The following KIAA1614 variants were observed in gnomAD, a reference collection of about 807,000 sequenced individuals.
KIAA1614 encodes the protein uncharacterized protein KIAA1614.
Under a neutral mutation model 88.7 loss-of-function variants are expected in KIAA1614, and 76 were observed. That is an observed-to-expected ratio of 0.86 (90% CI 0.71 to 1.04). KIAA1614 has a LOEUF of 1.04. KIAA1614 is among the 50% of genes least tolerant of loss of function. The pLI is 0.00. For missense variants in KIAA1614, 1,553 were observed against 1,582.5 expected (o/e 0.98, Z 0.32); for synonymous variants, 714 against 675.5 (o/e 1.06, Z -0.88).
Position 180,945,880 on chromosome 1 carries a change from G to C in KIAA1614, c.*292G>C. 2 of 1,024,984 alleles carry C rather than the reference G, an allele frequency of 2.0e-6. No individual in the cohort carries two copies. The highest frequency in any genetic ancestry group is 3.1e-5 in the South Asian group (1 of 31,792). The allele number at this position is 1,024,984 out of a possible 1,614,324, so 63.5% of individuals were successfully genotyped here. A position where few individuals can be genotyped will look rare whatever the true frequency, so the allele number is the denominator to read the frequency against. ...AGAACTTTGGGAGGCCGAGGCGCCT[G>C]GATCACCTGAGGTCAGGAGTTCGAG... On this transcript the variant is annotated 3_prime_UTR_variant, in exon 9 of 9. Transcript: ENST00000367588.
chr1:180,929,552 G>A (rs1227308902), intron 4 of KIAA1614, among the ~76,000 whole-genome samples: 1 of 152,196 alleles, frequency 6.6e-6, no homozygotes, highest in Non-Finnish European at 1.5e-5. Context: ...GGTAAGGTAG[G>A]AAAACAACAA....
At chr1:180,945,194 A>G (rs1654561528) in intron 8 of KIAA1614, 109 bp from the exon 9 acceptor site, 3 of 1,286,518 alleles carry the variant, frequency 2.3e-6, no homozygotes, top group Non-Finnish European at 3.1e-6. Flanking sequence ...CCCAGCCTCC[A>G]ATGCCAGGCT....
Position 180,936,196 on chromosome 1 carries a change from C to G in KIAA1614, c.2287C>G (p.Gln763Glu). 6.2e-7 allele frequency: 1 copy of G among 1,614,178 alleles called. No homozygotes were observed. ...GCCTGAATCATCGGGGCCAGGAGGC[C>G]AGGCCCAGGTTACAGAAAGCCACGA... Reference protein sequence around the residue: ...MTPESSGPGGQAQVTESHESL... With the variant: ...MTPESSGPGGEAQVTESHESL... The change falls in exon 5 of 9, where the codon CAG (glutamine) becomes GAG (glutamate). Residue 763 changes from glutamine (Q) to glutamate (E), a missense_variant. Transcript: ENST00000367588.
chr1:180,942,579 G>A (rs947406765), intron 7 of KIAA1614, among the ~76,000 whole-genome samples: 2 of 152,252 alleles, frequency 1.3e-5, no homozygotes, highest in Non-Finnish European at 2.9e-5. Context: ...TGAGTGAATG[G>A]AAGGCAGAGA....
chr1:180,923,608 T>C (rs1041156352), intron 3 of KIAA1614, among the ~76,000 whole-genome samples: 1 of 152,200 alleles, frequency 6.6e-6, no homozygotes, highest in African/African-American at 2.4e-5. Context: ...CCTGAGCTCC[T>C]GGGGCAAGAA....
Position 180,935,614 on chromosome 1 carries a change from A to C in KIAA1614, c.1705A>C (p.Met569Leu), listed in dbSNP as rs201379780. ...TLQELQAACGMERVLGGLSSP... is the reference protein window; with the variant it reads ...TLQELQAACGLERVLGGLSSP... ...CCAGGAGCTCCAGGCTGCCTGTGGGATGGAGAGGGTGCTGGGTGGCCTGAG... is the reference window on the plus strand; with the variant it reads ...CCAGGAGCTCCAGGCTGCCTGTGGGCTGGAGAGGGTGCTGGGTGGCCTGAG... Residue 569 changes from methionine (M) to leucine (L), a missense_variant, in exon 5 of 9, where the codon ATG becomes CTG. Met to Leu is a conservative substitution (Grantham distance 15). Transcript: ENST00000367588. The surrounding 1 kb of genome is among the most constrained non-coding windows in gnomAD (Gnocchi z 6.1). The C allele has an allele frequency of 3.9e-5, 63 of 1,611,314 alleles. No homozygotes were observed. In the East Asian group the frequency reaches 1.4e-3, roughly 36 times the overall value.
At chr1:180,917,450 G>T (rs1035348760) in intron 2 of KIAA1614, among the ~76,000 whole-genome samples, 25 of 131,234 alleles carry the variant, frequency 1.9e-4, no homozygotes, top group African/African-American at 6.0e-4. Context: ...TCACCCCTTA[G>T]TGAGGGCCCT....
Position 180,928,514 on chromosome 1 carries a change from C to T in KIAA1614, c.1146C>T (p.Ala382=). ...TGCTGCAGCGTGCCCGCATGAAGGC[C>T]AGGACCCGGCCCCTCCGTGCCAGCC... is the stretch of plus-strand genomic sequence containing the variant. ...THLLQRARMK[A]RTRPLRASHD... is the part of the protein sequence containing the mutation. Residue 382 remains alanine (A), a synonymous_variant, in exon 4 of 9, where the codon GCC becomes GCT. Coordinates refer to ENST00000367588, the MANE Select transcript of KIAA1614 (RefSeq NM_020950.2). The T allele has an allele frequency of 6.2e-7, 1 of 1,613,048 alleles. No homozygotes were observed. Among genetic ancestry groups the T allele is most frequent in the Non-Finnish European group, 8.5e-7 (1 of 1,179,940 alleles).
Position 180,937,275 on chromosome 1 carries a change from C to T in KIAA1614, c.2761+605C>T, listed in dbSNP as rs558086877. Among the ~76,000 whole-genome samples the T allele has an allele frequency of 2.8e-4, 43 of 152,360 alleles. No individual in the cohort carries two copies. In the South Asian group the frequency reaches 6.4e-3, roughly 23 times the overall value. On this transcript the variant is annotated intron_variant, in intron 5 of 8. Coordinates refer to ENST00000367588, the MANE Select transcript of KIAA1614 (RefSeq NM_020950.2). ...GTCCTGCCCTTGAGGCATTCTGTGGCCAGGCAGACACACTGTCCAGAGGAC... is the reference window on the plus strand; with the variant it reads ...GTCCTGCCCTTGAGGCATTCTGTGGTCAGGCAGACACACTGTCCAGAGGAC...
rs184232243 is a variant in KIAA1614 at position 180,926,141 on chromosome 1, G to A, written c.1062-2289G>A. On this transcript the variant is annotated intron_variant, in intron 3 of 8. Coordinates refer to ENST00000367588, the MANE Select transcript of KIAA1614 (RefSeq NM_020950.2). ...GCAGGAATTGCCTCTGCCTGGCCATGGCACTGACCACCCCAACCCTTCTAG... is the reference window on the plus strand; with the variant it reads ...GCAGGAATTGCCTCTGCCTGGCCATAGCACTGACCACCCCAACCCTTCTAG... Among the ~76,000 whole-genome samples, 226 of 152,306 alleles carry A rather than the reference G, an allele frequency of 1.5e-3. 1 individual carries two copies. The highest frequency in any genetic ancestry group is 5.3e-3 in the African/African-American group (221 of 41,568).
intron 3 of KIAA1614, among the ~76,000 whole-genome samples, chr1:180,919,812 G>A (rs1266345961): frequency 6.6e-6 from 1 of 152,134 alleles, no homozygotes; most frequent in African/African-American, 2.4e-5. Flanking sequence ...TCAGGACTGG[G>A]GTTTCTGGGC....
intron 7 of KIAA1614, among the ~76,000 whole-genome samples, chr1:180,943,038 T>TGTTTGTTTG (rs1553260084): frequency 9.4e-5 from 14 of 149,442 alleles, no homozygotes; most frequent in Admixed American, 2.0e-4. Flanking sequence ...GTTTTTTTTT[T>TGTTTGTTTG]TTTTTTAAGA....
Position 180,947,079 on chromosome 1 carries a change from TG to T in KIAA1614, c.*1493del, listed in dbSNP as rs1325682376. The T allele has an allele frequency of 6.6e-6, 1 of 152,034 alleles. No individual in the cohort carries two copies. The highest frequency in any genetic ancestry group is 2.4e-5 in the African/African-American group (1 of 41,330). 9.4% of individuals were successfully genotyped at this position (152,034 alleles called of 1,614,324 possible). A position where few individuals can be genotyped will look rare whatever the true frequency, so the allele number is the denominator to read the frequency against. On this transcript the variant is annotated 3_prime_UTR_variant, in exon 9 of 9. Coordinates refer to ENST00000367588, the MANE Select transcript of KIAA1614 (RefSeq NM_020950.2). ...AGAAGATGACACTTGAGCAGGGCCG[TG>T]GATGGGGCGAGGAAGGGGCCCCATG...
intron 3 of KIAA1614, among the ~76,000 whole-genome samples, chr1:180,919,848 G>A (rs1653915437): frequency 6.6e-6 from 1 of 152,166 alleles, no homozygotes; most frequent in Admixed American, 6.5e-5. Flanking sequence ...CAGGCCCCCA[G>A]CATCCATGGG....
intron 3 of KIAA1614, among the ~76,000 whole-genome samples, chr1:180,922,397 G>T (rs757466910): frequency 1.4e-4 from 22 of 152,166 alleles, no homozygotes; most frequent in Non-Finnish European, 2.8e-4. Flanking sequence ...AAATCCCTGT[G>T]AGTGATCGAG....
At chr1:180,931,301 G>T (rs1172802841) in intron 4 of KIAA1614, among the ~76,000 whole-genome samples, 3 of 152,206 alleles carry the variant, frequency 2.0e-5, no homozygotes, top group Non-Finnish European at 4.4e-5. Flanking sequence ...GGGTCAGAGA[G>T]AGTGGCTGTG....
At chr1:180,919,327 T>C (rs1367355875) in intron 3 of KIAA1614, among the ~76,000 whole-genome samples, 2 of 152,072 alleles carry the variant, frequency 1.3e-5, no homozygotes, top group Admixed American at 6.5e-5. Flanking sequence ...CTGCCAGGAA[T>C]CTCTTCCCCT....
intron 7 of KIAA1614, among the ~76,000 whole-genome samples, chr1:180,942,660 A>G (rs1272820088): frequency 6.6e-6 from 1 of 152,198 alleles, no homozygotes; most frequent in Non-Finnish European, 1.5e-5. Context: ...CACTGTTCTT[A>G]TGAAGTTAGG....
intron 4 of KIAA1614, among the ~76,000 whole-genome samples, chr1:180,931,596 T>C (rs1392842771): frequency 6.6e-6 from 1 of 152,236 alleles, no homozygotes; most frequent in Non-Finnish European, 1.5e-5. Context: ...CTAGTGGGGC[T>C]TTCTGGGTTT....
Sources: gnomAD v4.1 joint callset for allele counts (sites outside exome capture counted in the v4.1 genomes callset) on GRCh38, gnomAD v4.1.1 for gene constraint, Gnocchi (gnomAD v3.1) non-coding constraint, MANE v1.5 for transcripts, NCBI Gene and HGNC (gene_info 2026-07-23, HGNC 2026-07-21) for gene names.